The following PTPRD variants were observed in gnomAD, a reference collection of about 807,000 sequenced individuals.
PTPRD encodes receptor-type tyrosine-protein phosphatase delta.
PTPRD carries 34 observed loss-of-function variants against 214.5 expected under a neutral mutation model. That is an observed-to-expected ratio of 0.16 (90% CI 0.12 to 0.21). PTPRD has a LOEUF of 0.21. PTPRD is among the 10% of genes least tolerant of loss of function. The pLI is 1.00. For synonymous variants in PTPRD, 1,128 were observed against 845.7 expected (o/e 1.33, Z -5.79); for missense variants, 2,545 against 2,398.7 (o/e 1.06, Z -1.27).
At chr9:8,927,339 A>T (rs1286292648) in intron 11 of PTPRD, among the ~76,000 whole-genome samples, 1 of 152,094 alleles carries the variant, frequency 6.6e-6, no homozygotes, top group Non-Finnish European at 1.5e-5. Flanking sequence ...CATCATCTAC[A>T]TTAGGTATTT....
chr9:9,943,631 G>A (rs7854099), intron 4 of PTPRD, among the ~76,000 whole-genome samples: 4,448 of 129,942 alleles, frequency 0.034, 232 homozygotes, highest in African/African-American at 0.14. Flanking sequence ...GTTAGATGGC[G>A]ATATTTTAGT....
chr9:8,838,416 C>T (rs2097485504), intron 11 of PTPRD, among the ~76,000 whole-genome samples: 4 of 152,094 alleles, frequency 2.6e-5, no homozygotes, highest in South Asian at 2.1e-4. Context: ...CAATACATTC[C>T]TCTTCTTCAA....
chr9:9,289,899 A>G (rs1211740952), intron 9 of PTPRD, among the ~76,000 whole-genome samples: 2 of 151,706 alleles, frequency 1.3e-5, no homozygotes, highest in African/African-American at 4.8e-5. Flanking sequence ...GCTATTGTGA[A>G]TAATGCTGCA....
intron 9 of PTPRD, among the ~76,000 whole-genome samples, chr9:9,379,551 C>A (rs2061624014): frequency 6.6e-6 from 1 of 151,946 alleles, no homozygotes; most frequent in Non-Finnish European, 1.5e-5. Context: ...ACTTTAGAAT[C>A]ATTTCGTCAG....
chr9:9,849,313 T>C (rs990363033), intron 5 of PTPRD, among the ~76,000 whole-genome samples: 1 of 151,760 alleles, frequency 6.6e-6, no homozygotes, highest in East Asian at 1.9e-4. Flanking sequence ...AGAAGACAGG[T>C]AGTAAAAGAA....
At chr9:8,982,816 A>C (rs2099320093) in intron 11 of PTPRD, among the ~76,000 whole-genome samples, 2 of 152,010 alleles carry the variant, frequency 1.3e-5, no homozygotes, top group Admixed American at 6.6e-5. Context: ...CAATATTCAG[A>C]ACTGCTTATA....
intron 8 of PTPRD, among the ~76,000 whole-genome samples, chr9:9,509,920 C>T (rs371171930): frequency 2.6e-5 from 4 of 151,674 alleles, no homozygotes; most frequent in Admixed American, 1.3e-4. Context: ...TCTAATGTAA[C>T]TGCATTCCCC....
chr9:10,419,154 G>C (rs1466098183), intron 2 of PTPRD, among the ~76,000 whole-genome samples: 1 of 151,884 alleles, frequency 6.6e-6, no homozygotes, highest in African/African-American at 2.4e-5. Context: ...AAAACCACTT[G>C]TGTAAAAATC....
intron 7 of PTPRD, among the ~76,000 whole-genome samples, chr9:9,641,390 A>C (rs970016011): frequency 2.0e-5 from 3 of 152,182 alleles, no homozygotes; most frequent in Non-Finnish European, 4.4e-5. Flanking sequence ...TTAGGTTTCC[A>C]CATCCCTTTC....
chr9:8,981,139 T>C (rs1330913723), intron 11 of PTPRD, among the ~76,000 whole-genome samples: 2 of 152,060 alleles, frequency 1.3e-5, no homozygotes, highest in East Asian at 3.9e-4. Context: ...ATTGGGGTTA[T>C]TTGTCACCAA....
intron 8 of PTPRD, among the ~76,000 whole-genome samples, chr9:9,497,447 C>G (rs1014847306): frequency 1.3e-5 from 2 of 152,074 alleles, no homozygotes; most frequent in African/African-American, 4.8e-5. Context: ...TTAAATGACT[C>G]ACTTTGATAG....
intron 14 of PTPRD, among the ~76,000 whole-genome samples, chr9:8,586,801 G>C (rs1255592726): frequency 6.6e-6 from 1 of 152,084 alleles, no homozygotes; most frequent in East Asian, 1.9e-4. Flanking sequence ...AATATAAAGT[G>C]GTAAATAATA....
At chr9:9,044,549 T>C (rs73430161) in intron 10 of PTPRD, among the ~76,000 whole-genome samples, 93 of 152,306 alleles carry the variant, frequency 6.1e-4, no homozygotes, top group African/African-American at 2.2e-3. Context: ...GTTTCTTCCA[T>C]GGCAGGGGCA....
intron 7 of PTPRD, among the ~76,000 whole-genome samples, chr9:9,685,598 C>A (rs2097152955): frequency 6.6e-6 from 1 of 151,012 alleles, no homozygotes; most frequent in African/African-American, 2.4e-5. Flanking sequence ...TATTCAGACA[C>A]CCTCATTGAA....
chr9:10,485,056 G>C (rs1662258386), intron 2 of PTPRD, among the ~76,000 whole-genome samples: 1 of 151,790 alleles, frequency 6.6e-6, no homozygotes, highest in African/African-American at 2.4e-5. Flanking sequence ...AAAGGAGATA[G>C]AGGTCTAGTT....
chr9:8,447,927 A>C (rs1378924325), intron 34 of PTPRD, among the ~76,000 whole-genome samples: 1 of 152,164 alleles, frequency 6.6e-6, no homozygotes, highest in Non-Finnish European at 1.5e-5. Flanking sequence ...TGAGGTAAGA[A>C]ATGCAAGGAA....
chr9:9,618,011 G>A (rs2094991549), intron 7 of PTPRD, among the ~76,000 whole-genome samples: 2 of 132,666 alleles, frequency 1.5e-5, no homozygotes, highest in South Asian at 2.6e-4. Flanking sequence ...GGCGGAGCTT[G>A]CAGTGAGCCC....
At chr9:9,161,895 T>G (rs1470553609) in intron 10 of PTPRD, among the ~76,000 whole-genome samples, 1 of 152,040 alleles carries the variant, frequency 6.6e-6, no homozygotes, top group East Asian at 1.9e-4. Flanking sequence ...GTTTAAATTT[T>G]CCTGTACCTT....
In PTPRD at chr9:8,948,416, TATATATATTTATATATATATTTAC is replaced by T. The variant is rs1567180645; in HGVS notation, c.-104+70257_-104+70280del. On this transcript the variant is annotated intron_variant, in intron 11 of 45. Coordinates refer to ENST00000381196, the MANE Select transcript of PTPRD (RefSeq NM_002839.4). Reference sequence around the variant, plus strand: ...GTCCATTGGGTTTAAAATATATATATATATATATTTATATATATATTTACATATATATATATTTATATATATATT... The same window carrying T: ...GTCCATTGGGTTTAAAATATATATATATATATATATATTTATATATATATT... Among the ~76,000 whole-genome samples, 228 of 52,068 alleles carry T rather than the reference TATATATATTTATATATATATTTAC, an allele frequency of 4.4e-3. 19 individuals carry two copies. The highest frequency in any genetic ancestry group is 0.019 in the South Asian group (28 of 1,440). 34.2% of individuals were successfully genotyped at this position (52,068 alleles called of 152,430 possible).
Sources: gnomAD v4.1 joint callset for allele counts (sites outside exome capture counted in the v4.1 genomes callset) on GRCh38, gnomAD v4.1.1 for gene constraint, MANE v1.5 for transcripts, NCBI Gene and HGNC (gene_info 2026-07-23, HGNC 2026-07-21) for gene names.